MIGA1: variants seen among roughly 807,000 people sequenced by gnomAD.
The protein encoded by MIGA1 is family with sequence similarity 73, member A.
In MIGA1, 58 loss-of-function variants were observed where a neutral mutation model predicts 82.0. That is an observed-to-expected ratio of 0.71 (90% CI 0.57 to 0.88). The LOEUF (loss-of-function observed/expected upper bound fraction) is 0.88, where lower values mean the gene tolerates loss of function less well. Ranked by LOEUF, MIGA1 falls within the 40% of genes least tolerant of loss-of-function variation. The probability of loss-of-function intolerance (pLI) is 0.00; values close to 1 mark genes in which losing one functional copy is unlikely to be tolerated. For synonymous variants in MIGA1, 249 were observed against 253.6 expected, an observed-to-expected ratio of 0.98 and a Z score of 0.17; for missense variants, 751 against 749.1, an observed-to-expected ratio of 1.00 and a Z score of -0.03.
At chr1:77,848,498 G>A (rs1185966388) in intron 8 of MIGA1, 6 of 1,115,970 alleles carry the variant, frequency 5.4e-6, no homozygotes, top group African/African-American at 1.6e-5. Flanking sequence ...AAGGAAAGCA[G>A]CCCAAGTTCT....
intron 5 of MIGA1, 40 bp from the exon 6 acceptor site, chr1:77,813,694 G>T: frequency 6.2e-7 from 1 of 1,600,194 alleles, no homozygotes; most frequent in Non-Finnish European, 8.5e-7. Context: ...TTTTGGCATT[G>T]ATTTTGCTCA....
chr1:77,797,938 G>A (rs1682725174), intron 2 of MIGA1, among the ~76,000 whole-genome samples: 1 of 151,928 alleles, frequency 6.6e-6, no homozygotes, highest in East Asian at 1.9e-4. Flanking sequence ...TTTTATTCCT[G>A]TTTCTTAATT....
chr1:77,837,005 T>C (rs1281581286), intron 7 of MIGA1, among the ~76,000 whole-genome samples: 2 of 152,162 alleles, frequency 1.3e-5, no homozygotes, highest in Non-Finnish European at 2.9e-5. Context: ...TGAAAGCACT[T>C]AGTATTACTT....
intron 5 of MIGA1, chr1:77,811,049 G>T: frequency 6.2e-7 from 1 of 1,613,446 alleles, no homozygotes; most frequent in South Asian, 1.1e-5. Flanking sequence ...GGCTTGTAGG[G>T]TTTGAATTCA....
At chr1:77,796,850 T>C (rs1682677242) in intron 2 of MIGA1, among the ~76,000 whole-genome samples, 1 of 152,200 alleles carries the variant, frequency 6.6e-6, no homozygotes, top group African/African-American at 2.4e-5. Context: ...TTCTTTGTTG[T>C]GCCCAGTTCT....
In MIGA1 at chr1:77,871,094, G is replaced by A. The variant is rs1255983234; in HGVS notation, c.1564-1910G>A. Among the ~76,000 whole-genome samples the A allele has an allele frequency of 8.8e-4, 47 of 53,442 alleles. No individual in the cohort carries two copies. In the South Asian group the frequency reaches 0.038, roughly 43 times the overall value. The allele number at this position is 53,442 out of a possible 152,430, so 35.1% of individuals were successfully genotyped here. A position where few individuals can be genotyped will look rare whatever the true frequency, so the allele number is the denominator to read the frequency against. On this transcript the variant is annotated intron_variant, in intron 14 of 15. Transcript: ENST00000370791. The stretch of plus-strand genomic sequence containing the variant: ...GACCGTGGAAGGAGACCGTGGGAAG[G>A]GGGAGAGGGAGAGGGAGAGGGAGAG...
At chr1:77,812,595 C>G (rs1322865451) in intron 5 of MIGA1, among the ~76,000 whole-genome samples, 1 of 152,028 alleles carries the variant, frequency 6.6e-6, no homozygotes, top group East Asian at 1.9e-4. Flanking sequence ...AATGACTTGC[C>G]CAGATTCTTA....
chr1:77,813,574 A>G (rs1683446052), intron 5 of MIGA1, among the ~76,000 whole-genome samples, 160 bp from the exon 6 acceptor site: 1 of 152,240 alleles, frequency 6.6e-6, no homozygotes, highest in African/African-American at 2.4e-5. Context: ...CTGAGAATGT[A>G]TTGGGAAACT....
At chr1:77,803,194 T>G in intron 3 of MIGA1, 76 bp from the exon 4 acceptor site, 5 of 971,002 alleles carry the variant, frequency 5.1e-6, no homozygotes, top group Non-Finnish European at 5.6e-6. Flanking sequence ...GAATATATTA[T>G]AAACTCTGAA....
chr1:77,795,624 ATTAC>A (rs1570928152), intron 2 of MIGA1, among the ~76,000 whole-genome samples: 1 of 144,582 alleles, frequency 6.9e-6, no homozygotes, highest in Non-Finnish European at 1.5e-5. Flanking sequence ...GGCCTGGTAT[ATTAC>A]TTTCTTTTTT....
rs1232513094 is a variant in MIGA1, at chr1:77,876,446, T to C, written c.*1382T>C. 6.6e-6 allele frequency: 1 copy of C among 152,258 alleles called. No homozygotes were observed. Among genetic ancestry groups the C allele is most frequent in the Non-Finnish European group, 1.5e-5 (1 of 68,044 alleles). 9.4% of individuals were successfully genotyped at this position (152,258 alleles called of 1,614,324 possible). A position where few individuals can be genotyped will look rare whatever the true frequency, so the allele number is the denominator to read the frequency against. ...AAGTTACAAAGAGACTGAAGAACTT[T>C]CTTTTTATACATTAGAGCATTTTCC... On this transcript the variant is annotated 3_prime_UTR_variant, in exon 16 of 16. Transcript: ENST00000370791.
chr1:77,842,645 T>G (rs1684670713), intron 7 of MIGA1, among the ~76,000 whole-genome samples: 1 of 152,214 alleles, frequency 6.6e-6, no homozygotes, highest in Admixed American at 6.5e-5. Flanking sequence ...CCTCCCGGGT[T>G]CAAGCAATTC....
chr1:77,792,347 G>C (rs1399093206), intron 2 of MIGA1, among the ~76,000 whole-genome samples: 5 of 152,182 alleles, frequency 3.3e-5, no homozygotes, highest in Non-Finnish European at 7.3e-5. Context: ...CTGTAGAGGA[G>C]AATTCATTCC....
In MIGA1 at chr1:77,838,622, A is replaced by G. The variant is rs192735203; in HGVS notation, c.896-4685A>G. 1.8e-3 allele frequency among the ~76,000 whole-genome samples: 276 copies of G among 152,026 alleles called. 2 individuals carry two copies. Among genetic ancestry groups the G allele is most frequent in the Non-Finnish European group, 3.8e-4 (26 of 67,970 alleles). ...GCCACCACACCTGGCTAATTTTTGT[A>G]TTTTTTGTAGAGGCATGGTTTCGCC... On this transcript the variant is annotated intron_variant, in intron 7 of 15. Coordinates refer to ENST00000370791, the MANE Select transcript of MIGA1 (RefSeq NM_198549.4).
Position 77,783,294 on chromosome 1 carries a change from G to A in MIGA1, c.138G>A (p.Lys46=). Reference sequence around the variant, plus strand: ...TAAGTGAATCACAGTTTTCCTTGAAGACAGCAGCGCTAAGAGTGTTTGATC... The same window carrying A: ...TAAGTGAATCACAGTTTTCCTTGAAAACAGCAGCGCTAAGAGTGTTTGATC... The change falls in exon 2 of 16, where the codon AAG becomes AAA. Residue 46 remains lysine, a synonymous_variant. Coordinates refer to ENST00000370791, the MANE Select transcript of MIGA1 (RefSeq NM_198549.4). 1 of 1,596,556 alleles carries A rather than the reference G, an allele frequency of 6.3e-7. No individual in the cohort carries two copies. Among genetic ancestry groups the A allele is most frequent in the Non-Finnish European group, 8.6e-7 (1 of 1,168,180 alleles).
intron 7 of MIGA1, among the ~76,000 whole-genome samples, chr1:77,823,357 T>C (rs1181455969): frequency 1.3e-5 from 2 of 152,186 alleles, no homozygotes; most frequent in African/African-American, 4.8e-5. Flanking sequence ...TGGTAACCAT[T>C]GCGCAGCTCT....
chr1:77,854,096 G>C (rs539683799), intron 8 of MIGA1, among the ~76,000 whole-genome samples: 1 of 151,926 alleles, frequency 6.6e-6, no homozygotes, highest in African/African-American at 2.4e-5. Context: ...ATGCCTTTGC[G>C]TCCTCATAGT....
intron 2 of MIGA1, among the ~76,000 whole-genome samples, chr1:77,786,259 C>T (rs1175623716): frequency 6.6e-6 from 1 of 152,192 alleles, no homozygotes; most frequent in Admixed American, 6.5e-5. Context: ...GGGCCTGGCC[C>T]CTGAAACCAC....
intron 7 of MIGA1, among the ~76,000 whole-genome samples, chr1:77,824,472 C>T (rs1683955118): frequency 6.6e-6 from 1 of 152,130 alleles, no homozygotes; most frequent in Non-Finnish European, 1.5e-5. Flanking sequence ...GCAGGAGAAT[C>T]CCTTGAGCCT....
Sources: gnomAD v4.1 joint callset for allele counts (sites outside exome capture counted in the v4.1 genomes callset) on GRCh38, gnomAD v4.1.1 for gene constraint, MANE v1.5 for transcripts, NCBI Gene and HGNC (gene_info 2026-07-23, HGNC 2026-07-21) for gene names.